NAPEPLD: variants seen among roughly 807,000 people sequenced by gnomAD.
The protein encoded by NAPEPLD is N-acyl phosphatidylethanolamine phospholipase D, also known as N-acyl-phosphatidylethanolamine-hydrolyzing phospholipase D.
A neutral mutation model predicts 38.1 loss-of-function variants in NAPEPLD; 23 were observed. That is an observed-to-expected ratio of 0.60 (90% CI 0.43 to 0.86). NAPEPLD has a LOEUF of 0.86. NAPEPLD is among the 40% of genes least tolerant of loss of function. The pLI is 0.00. For synonymous variants in NAPEPLD, 147 were observed against 162.0 expected (o/e 0.91, Z 0.71); for missense variants, 411 against 476.8 (o/e 0.86, Z 1.28).
At chr7:103,111,722 A>G (rs775050673) in intron 4 of NAPEPLD, among the ~76,000 whole-genome samples, 21 of 152,232 alleles carry the variant, frequency 1.4e-4, no homozygotes, top group Non-Finnish European at 2.6e-4. Flanking sequence ...TGACTAAAAT[A>G]CCAAAAGCAA....
intron 3 of NAPEPLD, chr7:103,115,455 AAAC>A: frequency 3.6e-6 from 1 of 276,396 alleles, no homozygotes. Context: ...CTGAAAAATA[AAAC>A]AAGCAAAAGT....
intron 4 of NAPEPLD, among the ~76,000 whole-genome samples, chr7:103,113,693 T>C (rs1480968317): frequency 6.7e-6 from 1 of 149,678 alleles, no homozygotes; most frequent in East Asian, 2.0e-4. Flanking sequence ...GGAAGTGCCG[T>C]AATCTCGGCT....
chr7:103,109,667 C>A (rs1448165356), intron 4 of NAPEPLD, among the ~76,000 whole-genome samples: 3 of 151,888 alleles, frequency 2.0e-5, no homozygotes, highest in Non-Finnish European at 4.4e-5. Flanking sequence ...AAATCAACAC[C>A]CTAACATCAC....
intron 4 of NAPEPLD, among the ~76,000 whole-genome samples, chr7:103,104,114 GCCC>G (rs1802831635): frequency 6.6e-6 from 1 of 152,176 alleles, no homozygotes; most frequent in Admixed American, 6.5e-5. Context: ...TCAAGATTTT[GCCC>G]TGAGGAATTG....
At chr7:103,145,556 G>A (rs776917223) in intron 1 of NAPEPLD, among the ~76,000 whole-genome samples, 2 of 152,232 alleles carry the variant, frequency 1.3e-5, no homozygotes, top group Non-Finnish European at 2.9e-5. Flanking sequence ...CTAAACTCCT[G>A]TGACAGCAGA....
intron 2 of NAPEPLD, among the ~76,000 whole-genome samples, chr7:103,125,560 A>G (rs1414622322): frequency 2.6e-5 from 4 of 152,116 alleles, no homozygotes; most frequent in Non-Finnish European, 4.4e-5. Context: ...AGTCATCCCT[A>G]CGACTCTACG....
intron 2 of NAPEPLD, chr7:103,127,766 A>C (rs1808127739): frequency 6.6e-6 from 1 of 152,242 alleles, no homozygotes; most frequent in Non-Finnish European, 1.5e-5. Flanking sequence ...GAGGTATATA[A>C]GGAAAGGAGA....
intron 1 of NAPEPLD, among the ~76,000 whole-genome samples, chr7:103,138,490 CAG>C (rs1434039717): frequency 3.6e-5 from 5 of 137,400 alleles, no homozygotes; most frequent in Non-Finnish European, 7.8e-5. Context: ...TTTTTTGAGT[CAG>C]AGTTTTGCTT....
chr7:103,128,193 C>A, intron 2 of NAPEPLD: 1 of 395,338 alleles, frequency 2.5e-6, no homozygotes, highest in Non-Finnish European at 4.5e-6. Flanking sequence ...CTAGGCCCAG[C>A]TGAAATATTC....
intron 2 of NAPEPLD, among the ~76,000 whole-genome samples, chr7:103,125,844 G>A (rs896359519): frequency 1.3e-5 from 2 of 151,598 alleles, no homozygotes; most frequent in Admixed American, 1.3e-4. Flanking sequence ...CCAAGATGGC[G>A]CCAGTGCACT....
At chr7:103,106,939 CCT>C (rs1803492475) in intron 4 of NAPEPLD, among the ~76,000 whole-genome samples, 1 of 152,182 alleles carries the variant, frequency 6.6e-6, no homozygotes, top group Non-Finnish European at 1.5e-5. Flanking sequence ...GTCCCTGACC[CCT>C]GTGTATCCTG....
At chr7:103,120,828 C>A (rs1806546851) in intron 2 of NAPEPLD, among the ~76,000 whole-genome samples, 1 of 150,780 alleles carries the variant, frequency 6.6e-6, no homozygotes, top group African/African-American at 2.4e-5. Context: ...ATCATCCCAC[C>A]TCAACCTCTC....
chr7:103,126,187 G>A (rs1236475884), intron 2 of NAPEPLD, among the ~76,000 whole-genome samples: 3 of 152,034 alleles, frequency 2.0e-5, no homozygotes, highest in Non-Finnish European at 2.9e-5. Flanking sequence ...CTTGCTATCT[G>A]TGGTCATTAA....
At chr7:103,140,884 A>G (rs1811160808) in intron 1 of NAPEPLD, among the ~76,000 whole-genome samples, 1 of 152,202 alleles carries the variant, frequency 6.6e-6, no homozygotes, top group South Asian at 2.1e-4. Flanking sequence ...ATGCAGACTC[A>G]GCACTTTTCC....
chr7:103,149,571 T>C, upstream of NAPEPLD: 2 of 1,075,680 alleles, frequency 1.9e-6, no homozygotes, highest in Non-Finnish European at 2.4e-6. Context: ...AGGCTGCCTC[T>C]CCAGCCCTTA....
At chr7:103,112,533 C>T (rs1804736908) in intron 4 of NAPEPLD, among the ~76,000 whole-genome samples, 1 of 151,890 alleles carries the variant, frequency 6.6e-6, no homozygotes, top group Non-Finnish European at 1.5e-5. Flanking sequence ...TGTTCTCACT[C>T]ATAAGTGGGA....
intron 2 of NAPEPLD, among the ~76,000 whole-genome samples, chr7:103,125,758 G>A (rs912843776): frequency 4.6e-5 from 7 of 151,914 alleles, no homozygotes; most frequent in African/African-American, 1.7e-4. Context: ...GTGGTGGCAG[G>A]CGCCCATGGT....
In NAPEPLD at chr7:103,099,983, A is replaced by G. The variant is rs926702458; in HGVS notation, c.*3446T>C. Reference sequence around the variant, plus strand: ...TTAAGTAAATCAGTATGCAAGCAGTATTTAAGGCAAAGCTTTAAGAATACT... The same window carrying G: ...TTAAGTAAATCAGTATGCAAGCAGTGTTTAAGGCAAAGCTTTAAGAATACT... On this transcript the variant is annotated 3_prime_UTR_variant, in exon 5 of 5. Coordinates refer to ENST00000465647, the MANE Select transcript of NAPEPLD (RefSeq NM_001122838.3). 1.3e-5 allele frequency: 2 copies of G among 152,232 alleles called. No individual in the cohort carries two copies. The highest frequency in any genetic ancestry group is 4.8e-5 in the African/African-American group (2 of 41,448). 9.4% of individuals were successfully genotyped at this position (152,232 alleles called of 1,614,324 possible).
Position 103,123,139 on chromosome 7 carries a change from C to T in NAPEPLD, c.295-2916G>A, listed in dbSNP as rs1421642898. 2.6e-5 allele frequency among the ~76,000 whole-genome samples: 4 copies of T among 152,216 alleles called. No homozygotes were observed. The East Asian group carries it at 7.7e-4, about 29-fold the overall frequency. ...GGTTAAATTATCTTCCCCCTTATCC[C>T]TTCGGGCCATCTCTTGAGTCCCACA... On this transcript the variant is annotated intron_variant, in intron 2 of 4. Coordinates refer to ENST00000465647, the MANE Select transcript of NAPEPLD (RefSeq NM_001122838.3).
Sources: gnomAD v4.1 joint callset for allele counts (sites outside exome capture counted in the v4.1 genomes callset) on GRCh38, gnomAD v4.1.1 for gene constraint, MANE v1.5 for transcripts, NCBI Gene and HGNC (gene_info 2026-07-23, HGNC 2026-07-21) for gene names.